Variants in PAX6 observed in about 807,000 individuals in gnomAD.
The protein encoded by PAX6 is paired box 6, also known as paired box protein Pax-6.
A neutral mutation model predicts 60.7 loss-of-function variants in PAX6; 7 were observed. The ratio of observed to expected loss-of-function variants is 0.12; its 90% confidence interval spans 0.07 to 0.22. The LOEUF is 0.22. Among genes scored for constraint, PAX6 ranks in the 10% least tolerant of loss-of-function variants. PAX6 has a pLI of 1.00. For synonymous variants in PAX6, 208 were observed against 201.2 expected, an observed-to-expected ratio of 1.03 and a Z score of -0.29; for missense variants, 355 against 555.2, an observed-to-expected ratio of 0.64 and a Z score of 3.62.
chr11:31,790,108 A>AAC, intron 13 of PAX6, 89 bp from the exon 14 acceptor site: 1 of 794,466 alleles, frequency 1.3e-6, no homozygotes, highest in Non-Finnish European at 2.0e-6. Flanking sequence ...AAAAAAAAAA[A>AAC]AAAAAAAAAA....
At chr11:31,798,995 C>G (rs1280511425) in intron 8 of PAX6, among the ~76,000 whole-genome samples, 2 of 152,242 alleles carry the variant, frequency 1.3e-5, no homozygotes, top group Admixed American at 6.5e-5. Flanking sequence ...CCTAGGCCAC[C>G]GTGCCCTGAG....
intron 10 of PAX6, 79 bp from the exon 11 acceptor site, chr11:31,793,881 C>T: frequency 1.3e-6 from 2 of 1,514,820 alleles, no homozygotes; most frequent in Non-Finnish European, 1.8e-6. Flanking sequence ...TGCTGCCCTC[C>T]CCACGCCCAT....
At chr11:31,801,447 G>A in intron 7 of PAX6, 114 bp downstream of exon 7, 1 of 1,577,944 alleles carries the variant, frequency 6.3e-7, no homozygotes, top group Non-Finnish European at 8.6e-7. Flanking sequence ...AGACAAATGT[G>A]GAGCAGGGAG....
At chr11:31,804,249 C>A (rs1019430305) in intron 4 of PAX6, 2 of 152,250 alleles carry the variant, frequency 1.3e-5, no homozygotes, top group Non-Finnish European at 2.9e-5. Context: ...TCAGTCGGGG[C>A]GCTTGTGGCA....
intron 2 of PAX6, among the ~76,000 whole-genome samples, 185 bp from the exon 3 acceptor site, chr11:31,807,110 T>C (rs1457075548): frequency 6.6e-6 from 1 of 152,252 alleles, no homozygotes; most frequent in African/African-American, 2.4e-5. Context: ...GAAGTCTCCA[T>C]CCTTTAAAAG....
Position 31,790,769 on chromosome 11 carries a change from G to C in PAX6, c.1166C>G (p.Pro389Arg), listed in dbSNP as rs200015827. Residue 389 changes from proline to arginine, a missense_variant, in exon 13 of 14, where the codon CCA (proline) becomes CGA (arginine). Physicochemically the swap from Pro to Arg is moderately radical, Grantham distance 103. Around this residue, in one of 5 missense-constraint regions of PAX6, gnomAD observed 149 missense variants for 191.9 expected, o/e 0.78. Transcript: ENST00000640368. ...ACTGTTCATGTGTGTCTGCATATGT[G>C]GGGGGGTGTAGGTATCATAACTCCG... ...NGRSYDTYTPPHMQTHMNSQP... is the reference protein window; with the variant it reads ...NGRSYDTYTPRHMQTHMNSQP... The C allele has an allele frequency of 5.6e-6, 9 of 1,613,832 alleles. No individual in the cohort carries two copies. Among genetic ancestry groups the C allele is most frequent in the East Asian group, 4.5e-5 (2 of 44,858 alleles).
At chr11:31,806,101 G>A (rs1276513801) in intron 4 of PAX6, 5 of 441,356 alleles carry the variant, frequency 1.1e-5, no homozygotes, top group Non-Finnish European at 2.0e-5. Flanking sequence ...GGGCAGGGGC[G>A]AGAGGGGGTG....
chr11:31,816,667 C>A, intron 1 of PAX6: 3 of 699,398 alleles, frequency 4.3e-6, no homozygotes, highest in Non-Finnish European at 2.6e-6. Flanking sequence ...ACTGCCACTG[C>A]GCTCGTCCCC....
chr11:31,792,921 A>T, intron 12 of PAX6: 1 of 277,880 alleles, frequency 3.6e-6, no homozygotes, highest in South Asian at 5.5e-5. Flanking sequence ...CATTCTCATT[A>T]TATTATGTAT....
chr11:31,807,146 A>G (rs1422348620), intron 2 of PAX6: 1 of 152,170 alleles, frequency 6.6e-6, no homozygotes, highest in Admixed American at 6.6e-5. Flanking sequence ...GGCTTGGGAG[A>G]ATTGGAAAAT....
intron 4 of PAX6, chr11:31,803,069 A>C: frequency 1.8e-6 from 1 of 570,814 alleles, no homozygotes; most frequent in Non-Finnish European, 3.2e-6. Flanking sequence ...AATAAAGGAC[A>C]ACAGGACCAC....
chr11:31,815,331 C>A (rs1456920212), upstream of PAX6, among the ~76,000 whole-genome samples: 1 of 152,214 alleles, frequency 6.6e-6, no homozygotes, highest in Non-Finnish European at 1.5e-5. Flanking sequence ...CCTCTGCCCC[C>A]AAGAGGCAAG....
chr11:31,816,355 CACGAAGGGCACGGGCATGAGAAGGCGA>C, intron 1 of PAX6: 1 of 563,456 alleles, frequency 1.8e-6, no homozygotes, highest in Non-Finnish European at 3.1e-6. Flanking sequence ...GCCCTCCGAT[CACGAAGGGCACGGGCATGAGAAGGCGA>C]CAGAGGAGGT....
At position 31,789,478 on chromosome 11, in the gene PAX6, A is replaced by T; in HGVS notation, c.*456T>A. 1 of 505,436 alleles carries T rather than the reference A, an allele frequency of 2.0e-6. No individual in the cohort carries two copies. The highest frequency in any genetic ancestry group is 3.5e-6 in the Non-Finnish European group (1 of 289,248). The allele number at this position is 505,436 out of a possible 1,614,324, so 31.3% of individuals were successfully genotyped here. On this transcript the variant is annotated 3_prime_UTR_variant, in exon 14 of 14. Transcript: ENST00000640368. Reference sequence around the variant, plus strand: ...CAAAGGAATGATACAAACTTGGAACATCAGTCCATAAACTATGAACAGATG... The same window carrying T: ...CAAAGGAATGATACAAACTTGGAACTTCAGTCCATAAACTATGAACAGATG...
chr11:31,801,537 G>A lies in PAX6; in HGVS notation c.399+24C>T, dbSNP rs537870766. The A allele has an allele frequency of 8.1e-6, 13 of 1,613,852 alleles. No homozygotes were observed. In the East Asian group the frequency reaches 1.1e-4, roughly 14 times the overall value. On this transcript the variant is annotated intron_variant, in intron 7 of 13. Transcript: ENST00000640368. ...AGAGCATTGGGCTTAGGGCAGGGAG[G>A]GCAGATGTTCTCAATGAACTTACGC...
upstream of PAX6, among the ~76,000 whole-genome samples, chr11:31,813,556 C>T (rs1480158081): frequency 1.3e-5 from 2 of 152,104 alleles, no homozygotes; most frequent in Non-Finnish European, 2.9e-5. Context: ...GAATCAGCTC[C>T]TTCTCCCACC....
intron 6 of PAX6, 39 bp downstream of exon 6, chr11:31,801,831 TA>T (rs1954014254): frequency 6.2e-7 from 1 of 1,613,950 alleles, no homozygotes; most frequent in South Asian, 1.1e-5. Flanking sequence ...AAGACAAAAA[TA>T]AAATTGTTTA....
At chr11:31,790,946 CCAA>C (rs1565188952) in intron 12 of PAX6, 86 bp from the exon 13 acceptor site, 2 of 1,401,730 alleles carry the variant, frequency 1.4e-6, no homozygotes, top group East Asian at 2.4e-5. Flanking sequence ...AGGAACTCTG[CCAA>C]CAAGTCTGAT....
Position 31,802,843 on chromosome 11 carries a change from A to G in PAX6, c.11-9T>C. The G allele has an allele frequency of 6.2e-7, 1 of 1,613,554 alleles. No individual in the cohort carries two copies. Among genetic ancestry groups the G allele is most frequent in the Non-Finnish European group, 8.5e-7 (1 of 1,179,748 alleles). ...ATTCACTCCGCTGTGACCTGAGGAA[A>G]GGGAGAGGAGAGGAAAGGGGAAAAG... On this transcript the variant is annotated splice_polypyrimidine_tract_variant and intron_variant, in intron 4 of 13. Coordinates refer to ENST00000640368, the MANE Select transcript of PAX6 (RefSeq NM_001368894.2).
Sources: allele counts gnomAD v4.1 joint callset (sites outside exome capture counted in the v4.1 genomes callset), GRCh38; gene constraint gnomAD v4.1.1; regional missense constraint gnomAD v4.1.1; transcripts MANE v1.5; gene names NCBI Gene and HGNC (gene_info 2026-07-23, HGNC 2026-07-21).